Variants in JAK2 observed in about 807,000 individuals in gnomAD.
JAK2 encodes the protein tyrosine-protein kinase JAK2.
In JAK2, 86 loss-of-function variants were observed where a neutral mutation model predicts 139.3. The ratio of observed to expected loss-of-function variants is 0.62; its 90% CI spans 0.52 to 0.74. The LOEUF is 0.74. Among genes scored for constraint, JAK2 ranks in the 30% least tolerant of loss-of-function variants. The probability of loss-of-function intolerance (pLI) is 0.00; values close to 1 mark genes in which losing one functional copy is unlikely to be tolerated. For missense variants in JAK2, 1,421 were observed against 1,360.3 expected (o/e 1.04, Z -0.70); for synonymous variants, 490 against 437.7 (o/e 1.12, Z -1.49).
chr9:5,111,018 G>A lies in JAK2; in HGVS notation c.3060-11986G>A, dbSNP rs1017994036. The A allele has an allele frequency of 1.2e-5, 9 of 782,480 alleles. No individual in the cohort carries two copies. In the East Asian group the frequency reaches 2.6e-4, roughly 23 times the overall value. The allele number at this position is 782,480 out of a possible 1,614,324, so 48.5% of individuals were successfully genotyped here. A position where few individuals can be genotyped will look rare whatever the true frequency, so the allele number is the denominator to read the frequency against. Reference sequence around the variant, plus strand: ...TGCCCGTTGCCAACGGGAAGGGCCGGCCCGCCTCCCTGGCCGGGGCGCAAT... The same window carrying A: ...TGCCCGTTGCCAACGGGAAGGGCCGACCCGCCTCCCTGGCCGGGGCGCAAT... On this transcript the variant is annotated intron_variant, in intron 22 of 24. Transcript: ENST00000381652.
At chr9:5,021,890 C>A in intron 2 of JAK2, 73 bp from the exon 3 acceptor site, 1 of 850,572 alleles carries the variant, frequency 1.2e-6, no homozygotes, top group Non-Finnish European at 1.8e-6. Context: ...GCCTCGGCCC[C>A]GCAAAGTGCT....
At chr9:5,125,400 T>TATAGA (rs1232316759) in intron 23 of JAK2, among the ~76,000 whole-genome samples, 16 of 151,460 alleles carry the variant, frequency 1.1e-4, no homozygotes, top group Non-Finnish European at 2.1e-4. Context: ...TAGCATTCCA[T>TATAGA]CATAAGGCTA....
At chr9:4,992,789 C>G (rs1286931213) in intron 2 of JAK2, among the ~76,000 whole-genome samples, 1 of 152,194 alleles carries the variant, frequency 6.6e-6, no homozygotes, top group East Asian at 1.9e-4. Context: ...AGTAGACATT[C>G]CTCCTCAAGA....
At position 5,080,241 on chromosome 9, in the gene JAK2, G is replaced by A. The variant is rs1211584359; in HGVS notation, c.2144G>A (p.Arg715Lys). Residue 715 changes from arginine to lysine, a missense_variant, in exon 17 of 25, where the codon AGA becomes AAA. Physicochemically the swap from Arg to Lys is conservative, Grantham distance 26. Transcript: ENST00000381652. ...TVLPKDILQE[R>K]IPWVPPECIE... ...TATCATTTAAAAGTTCTTCAGGAGA[G>A]AATACCATGGGTACCACCTGAATGC... The A allele has an allele frequency of 6.2e-7, 1 of 1,611,592 alleles. No homozygotes were observed. The highest frequency in any genetic ancestry group is 1.1e-5 in the South Asian group (1 of 90,640).
chr9:5,109,068 G>A (rs1305656891), intron 22 of JAK2: 8 of 151,960 alleles, frequency 5.3e-5, no homozygotes, highest in Non-Finnish European at 8.8e-5. Context: ...TGTGATCATG[G>A]CTTCATTCTC....
intron 2 of JAK2, among the ~76,000 whole-genome samples, chr9:4,991,811 C>G (rs1820270956): frequency 6.6e-6 from 1 of 151,898 alleles, no homozygotes. Context: ...CCTCTAAAGC[C>G]TCTCCATTCA....
intron 2 of JAK2, among the ~76,000 whole-genome samples, chr9:4,995,040 T>C (rs1299422552): frequency 6.6e-6 from 1 of 152,216 alleles, no homozygotes; most frequent in Non-Finnish European, 1.5e-5. Flanking sequence ...TATTGCCAAA[T>C]TGACATAGAA....
intron 22 of JAK2, chr9:5,107,973 C>T (rs994628013): frequency 1.3e-5 from 2 of 152,192 alleles, no homozygotes; most frequent in African/African-American, 4.8e-5. Context: ...TAATATGATT[C>T]TCTAAAAATT....
rs370882907 is a variant in JAK2 at position 5,016,639 on chromosome 9, C to G, written c.-25-5324C>G. 1.2e-4 allele frequency among the ~76,000 whole-genome samples: 19 copies of G among 152,112 alleles called. No individual in the cohort carries two copies. In the East Asian group the frequency reaches 3.5e-3, roughly 28 times the overall value. Reference sequence around the variant, plus strand: ...GCTTAACAAATTTTCATAAAGTGAACACACCTTTGTTAACCACTACTTAGA... The same window carrying G: ...GCTTAACAAATTTTCATAAAGTGAAGACACCTTTGTTAACCACTACTTAGA... On this transcript the variant is annotated intron_variant, in intron 2 of 24. Coordinates refer to ENST00000381652, the MANE Select transcript of JAK2 (RefSeq NM_004972.4).
chr9:5,089,765 C>G lies in JAK2; in HGVS notation c.2663C>G (p.Thr888Ser), dbSNP rs1287722546. The change falls in exon 20 of 25, where the codon ACT becomes AGT. Residue 888 changes from threonine to serine, a missense_variant. Physicochemically the swap from Thr to Ser is moderately conservative, Grantham distance 58. Coordinates refer to ENST00000381652, the MANE Select transcript of JAK2 (RefSeq NM_004972.4). The stretch of plus-strand genomic sequence containing the variant: ...GCTGTAAAAAAGCTTCAGCATAGTA[C>G]TGAAGAGCACCTAAGAGACTTTGAA... Reference protein sequence around the residue: ...VVAVKKLQHSTEEHLRDFERE... With the variant: ...VVAVKKLQHSSEEHLRDFERE... 5 of 1,598,552 alleles carry G rather than the reference C, an allele frequency of 3.1e-6. No individual in the cohort carries two copies. Among genetic ancestry groups the G allele is most frequent in the Non-Finnish European group, 4.3e-6 (5 of 1,172,552 alleles).
chr9:5,126,273 G>C (rs1823989238), intron 23 of JAK2, 60 bp from the exon 24 acceptor site: 4 of 1,236,534 alleles, frequency 3.2e-6, no homozygotes, highest in Non-Finnish European at 4.6e-6. Flanking sequence ...GGAGGAAATT[G>C]AGAAAGAATT....
chr9:5,103,221 C>CAAAAAAAAAAAAAAAAAA (rs56691830), intron 22 of JAK2, among the ~76,000 whole-genome samples: 3 of 6,872 alleles, frequency 4.4e-4, no homozygotes, highest in Non-Finnish European at 7.5e-4. Flanking sequence ...AAAGGGAAAG[C>CAAAAAAAAAAAAAAAAAA]AAAAAAAAAA....
At chr9:5,031,934 C>G (rs927246243) in intron 4 of JAK2, among the ~76,000 whole-genome samples, 1 of 152,226 alleles carries the variant, frequency 6.6e-6, no homozygotes, top group East Asian at 1.9e-4. Flanking sequence ...GTGCAGCACA[C>G]TGAGCATGAG....
chr9:5,040,453 A>C (rs1816399583), intron 4 of JAK2, among the ~76,000 whole-genome samples: 1 of 152,252 alleles, frequency 6.6e-6, no homozygotes, highest in African/African-American at 2.4e-5. Flanking sequence ...TAGTTAAGTT[A>C]GGCTTTATCA....
Position 5,012,892 on chromosome 9 carries a change from G to A in JAK2, c.-25-9071G>A, listed in dbSNP as rs180702335. ...CCTGTGGGAGATTAGGTTATTGGGA[G>A]GCAAAGTAGACTTAGGGAAAATAGT... On this transcript the variant is annotated intron_variant, in intron 2 of 24. Coordinates refer to ENST00000381652, the MANE Select transcript of JAK2 (RefSeq NM_004972.4). 1.4e-3 allele frequency among the ~76,000 whole-genome samples: 218 copies of A among 152,206 alleles called. 1 individual carries two copies. The highest frequency in any genetic ancestry group is 0.013 in the South Asian group (61 of 4,828).
intron 14 of JAK2, among the ~76,000 whole-genome samples, 176 bp downstream of exon 14, chr9:5,073,961 G>A (rs1226685457): frequency 6.6e-6 from 1 of 152,026 alleles, no homozygotes; most frequent in Admixed American, 6.6e-5. Context: ...TTGTGAAAAA[G>A]GAAAGCAATG....
At chr9:5,068,726 G>C (rs1357305632) in intron 10 of JAK2, among the ~76,000 whole-genome samples, 1 of 152,140 alleles carries the variant, frequency 6.6e-6, no homozygotes, top group Non-Finnish European at 1.5e-5. Flanking sequence ...TTTGTTTTAG[G>C]CTTTATCTTA....
intron 22 of JAK2, among the ~76,000 whole-genome samples, chr9:5,096,396 A>C (rs2130716998): frequency 6.6e-6 from 1 of 152,270 alleles, no homozygotes; most frequent in East Asian, 1.9e-4. Context: ...CACTTTAATT[A>C]AGCTAAGTCC....
At chr9:5,086,451 A>G (rs372989869) in intron 19 of JAK2, among the ~76,000 whole-genome samples, 9 of 152,244 alleles carry the variant, frequency 5.9e-5, no homozygotes, top group African/African-American at 1.9e-4. Flanking sequence ...ATCATTCTCA[A>G]TCTTCTCTGA....
Sources: gnomAD v4.1 joint callset for allele counts (sites outside exome capture counted in the v4.1 genomes callset) on GRCh38, gnomAD v4.1.1 for gene constraint, MANE v1.5 for transcripts, NCBI Gene and HGNC (gene_info 2026-07-23, HGNC 2026-07-21) for gene names.